EXOC6B: variants seen among roughly 807,000 people sequenced by gnomAD.
EXOC6B encodes the protein SEC15 homolog B.
Under a neutral mutation model 113.5 loss-of-function variants are expected in EXOC6B, and 54 were observed. That is an observed-to-expected ratio of 0.48 (90% CI 0.38 to 0.60). The LOEUF is 0.60. Among genes scored for constraint, EXOC6B ranks in the 20% least tolerant of loss-of-function variants. The pLI is 0.00. For synonymous variants in EXOC6B, 357 were observed against 339.0 expected (o/e 1.05, Z -0.58); for missense variants, 797 against 977.5 (o/e 0.82, Z 2.46).
intron 20 of EXOC6B, among the ~76,000 whole-genome samples, chr2:72,280,715 G>A (rs1017558916): frequency 6.6e-6 from 1 of 152,092 alleles, no homozygotes; most frequent in African/African-American, 2.4e-5. Flanking sequence ...AGTTGCTGAG[G>A]CATCCAGGAC....
At chr2:72,223,087 C>T (rs1680979197) in intron 20 of EXOC6B, among the ~76,000 whole-genome samples, 1 of 152,146 alleles carries the variant, frequency 6.6e-6, no homozygotes, top group Non-Finnish European at 1.5e-5. Context: ...TGCCAAAAAC[C>T]ACAGCTGCCT....
chr2:72,732,820 G>C (rs1378510842), intron 3 of EXOC6B, among the ~76,000 whole-genome samples: 1 of 152,126 alleles, frequency 6.6e-6, no homozygotes, highest in Admixed American at 6.6e-5. Flanking sequence ...ATATCAGGCA[G>C]AGGAAGAGCA....
At chr2:72,248,785 T>C (rs1682825430) in intron 20 of EXOC6B, among the ~76,000 whole-genome samples, 1 of 152,148 alleles carries the variant, frequency 6.6e-6, no homozygotes, top group Non-Finnish European at 1.5e-5. Flanking sequence ...CATTAAAATA[T>C]ATACAATATA....
intron 6 of EXOC6B, among the ~76,000 whole-genome samples, chr2:72,578,156 C>T (rs1704991861): frequency 6.6e-6 from 1 of 152,108 alleles, no homozygotes; most frequent in Non-Finnish European, 1.5e-5. Context: ...CACCTCATTT[C>T]CATCACACCT....
chr2:72,401,547 G>A lies in EXOC6B; in HGVS notation c.1981-21677C>T, dbSNP rs866588192. Reference sequence around the variant, plus strand: ...TACATATATATATATATATATATGTGTATATATATATATATATACATATAT... The same window carrying A: ...TACATATATATATATATATATATGTATATATATATATATATATACATATAT... On this transcript the variant is annotated intron_variant, in intron 18 of 21. Coordinates refer to ENST00000272427, the MANE Select transcript of EXOC6B (RefSeq NM_015189.3). 9.3e-3 allele frequency among the ~76,000 whole-genome samples: 192 copies of A among 20,568 alleles called. 16 individuals are homozygous for A. Among genetic ancestry groups the A allele is most frequent in the East Asian group, 0.012 (13 of 1,118 alleles). The allele number at this position is 20,568 out of a possible 152,430, so 13.5% of individuals were successfully genotyped here.
intron 6 of EXOC6B, among the ~76,000 whole-genome samples, chr2:72,617,181 C>T (rs913231100): frequency 3.9e-5 from 6 of 152,234 alleles, no homozygotes; most frequent in Non-Finnish European, 5.9e-5. Context: ...GCAGCTCCAC[C>T]TCTGTGGCTT....
rs75848625 is a variant in EXOC6B, at chr2:72,383,936, G to T, written c.1981-4066C>A. On this transcript the variant is annotated intron_variant, in intron 18 of 21. Coordinates refer to ENST00000272427, the MANE Select transcript of EXOC6B (RefSeq NM_015189.3). ...GCCTCATGTTCTCACTTATAAGCAG[G>T]AGCTAAATAAAAAGAACACATGGTC... Among the ~76,000 whole-genome samples, 1,277 of 152,108 alleles carry T rather than the reference G, an allele frequency of 8.4e-3. 8 individuals carry two copies. Among genetic ancestry groups the T allele is most frequent in the Non-Finnish European group, 0.012 (848 of 67,960 alleles).
chr2:72,250,679 C>A (rs1682958981), intron 20 of EXOC6B, among the ~76,000 whole-genome samples: 1 of 152,062 alleles, frequency 6.6e-6, no homozygotes, highest in East Asian at 1.9e-4. Flanking sequence ...AGTCAGATCT[C>A]TGTAAGCAAT....
chr2:72,223,585 T>C (rs1401376480), intron 20 of EXOC6B, among the ~76,000 whole-genome samples: 1 of 152,246 alleles, frequency 6.6e-6, no homozygotes, highest in African/African-American at 2.4e-5. Context: ...AAGGGCTTTT[T>C]TGAATTAAAA....
intron 6 of EXOC6B, among the ~76,000 whole-genome samples, chr2:72,652,313 A>G (rs1322616150): frequency 6.6e-6 from 1 of 152,214 alleles, no homozygotes; most frequent in African/African-American, 2.4e-5. Flanking sequence ...ATTTGAGAAA[A>G]TGTTAGTGTT....
intron 20 of EXOC6B, among the ~76,000 whole-genome samples, chr2:72,307,580 A>G (rs1052433142): frequency 6.6e-5 from 10 of 152,156 alleles, no homozygotes; most frequent in African/African-American, 2.2e-4. Flanking sequence ...CTTGAATGCC[A>G]TTAACATCTG....
At chr2:72,305,166 AG>A (rs1226994962) in intron 20 of EXOC6B, among the ~76,000 whole-genome samples, 3 of 152,192 alleles carry the variant, frequency 2.0e-5, no homozygotes, top group African/African-American at 7.2e-5. Context: ...TTGTTGGTGA[AG>A]AAACTGAGGC....
intron 6 of EXOC6B, among the ~76,000 whole-genome samples, chr2:72,605,263 G>A (rs1026962652): frequency 2.7e-4 from 39 of 146,712 alleles, no homozygotes; most frequent in African/African-American, 7.1e-4. Flanking sequence ...CAGCCTAGGC[G>A]ACAGAGCAAG....
intron 5 of EXOC6B, among the ~76,000 whole-genome samples, chr2:72,720,885 T>C (rs1054609659): frequency 1.8e-4 from 27 of 151,568 alleles, no homozygotes; most frequent in African/African-American, 6.5e-4. Flanking sequence ...AAAGGGATGA[T>C]ATTTGTCTAA....
At chr2:72,192,811 T>A (rs1678929635) in intron 20 of EXOC6B, among the ~76,000 whole-genome samples, 1 of 152,144 alleles carries the variant, frequency 6.6e-6, no homozygotes, top group South Asian at 2.1e-4. Flanking sequence ...TGAAGTAAAT[T>A]TGATGTAGGA....
chr2:72,748,510 T>C (rs1385689115), intron 1 of EXOC6B, among the ~76,000 whole-genome samples: 2 of 152,038 alleles, frequency 1.3e-5, no homozygotes, highest in Admixed American at 1.3e-4. Context: ...AGGAGATCAA[T>C]CAGATCATCA....
At chr2:72,346,164 T>C (rs1689324049) in intron 19 of EXOC6B, among the ~76,000 whole-genome samples, 1 of 152,202 alleles carries the variant, frequency 6.6e-6, no homozygotes, top group African/African-American at 2.4e-5. Context: ...TTATAAATTT[T>C]TTCTAAAGTT....
intron 1 of EXOC6B, among the ~76,000 whole-genome samples, chr2:72,774,555 T>C (rs1472408080): frequency 6.6e-6 from 1 of 152,198 alleles, no homozygotes; most frequent in Non-Finnish European, 1.5e-5. Context: ...ACTGCACTCC[T>C]GAGCATTTAC....
intron 1 of EXOC6B, among the ~76,000 whole-genome samples, chr2:72,819,764 AAG>A (rs376096517): frequency 3.3e-5 from 5 of 151,652 alleles, no homozygotes; most frequent in Admixed American, 2.0e-4. Context: ...GAAAAGAAAA[AAG>A]AGAGAGAGAG....
Sources: gnomAD v4.1 joint callset for allele counts (sites outside exome capture counted in the v4.1 genomes callset) on GRCh38, gnomAD v4.1.1 for gene constraint, MANE v1.5 for transcripts, NCBI Gene and HGNC (gene_info 2026-07-23, HGNC 2026-07-21) for gene names.